The following DMXL2 variants were observed in gnomAD, a reference collection of about 807,000 sequenced individuals.
DMXL2 encodes Dmx like 2, also known as dmX-like protein 2.
A neutral mutation model predicts 331.1 loss-of-function variants in DMXL2; 103 were observed. That is an observed-to-expected ratio of 0.31 (90% CI 0.27 to 0.37). DMXL2 has a LOEUF of 0.37. DMXL2 is among the 10% of genes least tolerant of loss of function. The pLI is 1.00. For synonymous variants in DMXL2, 1,281 were observed against 1,252.1 expected (o/e 1.02, Z -0.49); for missense variants, 3,171 against 3,642.9 (o/e 0.87, Z 3.33).
intron 13 of DMXL2, among the ~76,000 whole-genome samples, chr15:51,530,606 T>A (rs2047945900): frequency 7.0e-6 from 1 of 143,188 alleles, no homozygotes; most frequent in African/African-American, 2.8e-5. Context: ...AAAAAAAAAA[T>A]TAGCCGGGCA....
intron 20 of DMXL2, 25 bp downstream of exon 20, chr15:51,491,551 ACT>A (rs1258011486): frequency 6.4e-7 from 1 of 1,567,414 alleles, no homozygotes; most frequent in Non-Finnish European, 8.6e-7. Context: ...TTTTAATATA[ACT>A]CAAAATCCAC....
chr15:51,604,314 AAG>A (rs1164825303), intron 1 of DMXL2, among the ~76,000 whole-genome samples: 2 of 151,496 alleles, frequency 1.3e-5, no homozygotes, highest in Admixed American at 6.6e-5. Flanking sequence ...AAAAAAAAAA[AAG>A]AACACATACA....
chr15:51,567,686 G>C (rs1482446479), intron 3 of DMXL2: 1 of 152,264 alleles, frequency 6.6e-6, no homozygotes, highest in Non-Finnish European at 1.5e-5. Flanking sequence ...AGTAGAACCA[G>C]AGAGGACAAG....
At chr15:51,571,936 C>G (rs2050694880) in intron 2 of DMXL2, among the ~76,000 whole-genome samples, 1 of 152,070 alleles carries the variant, frequency 6.6e-6, no homozygotes, top group Non-Finnish European at 1.5e-5. Context: ...TAACTAAGAT[C>G]AGAGCAGAAC....
intron 7 of DMXL2, 129 bp downstream of exon 7, chr15:51,547,101 G>T (rs2048930607): frequency 1.3e-6 from 1 of 786,254 alleles, no homozygotes; most frequent in South Asian, 2.4e-5. Context: ...AGTAGGATTT[G>T]ATTTCAGGCA....
At chr15:51,449,255 C>T (rs1187378512) in intron 43 of DMXL2, 62 bp from the exon 44 acceptor site, 4 of 1,531,236 alleles carry the variant, frequency 2.6e-6, no homozygotes, top group South Asian at 2.3e-5. Flanking sequence ...AAAACATGGC[C>T]CTTCTGCTCC....
chr15:51,454,749 C>A (rs969823278), intron 40 of DMXL2, among the ~76,000 whole-genome samples: 2 of 152,094 alleles, frequency 1.3e-5, no homozygotes, highest in African/African-American at 4.8e-5. Context: ...CCCGCCTCGG[C>A]CTCCCAAAGT....
At chr15:51,572,869 C>T (rs1337510084) in intron 2 of DMXL2, among the ~76,000 whole-genome samples, 1 of 152,166 alleles carries the variant, frequency 6.6e-6, no homozygotes, top group African/African-American at 2.4e-5. Flanking sequence ...CCTTTGCAAA[C>T]CAGTACAAGA....
At chr15:51,521,008 A>C (rs2047328816) in intron 13 of DMXL2, among the ~76,000 whole-genome samples, 1 of 152,178 alleles carries the variant, frequency 6.6e-6, no homozygotes, top group Non-Finnish European at 1.5e-5. Context: ...GATTTTTAGC[A>C]AAATTGCTTC....
chr15:51,493,515 T>C (rs745639239), intron 19 of DMXL2, among the ~76,000 whole-genome samples: 2 of 152,158 alleles, frequency 1.3e-5, no homozygotes, highest in African/African-American at 2.4e-5. Context: ...TACCTACCAA[T>C]GGCAGGCTAT....
In DMXL2 at chr15:51,488,024, A is replaced by G. The variant is rs560854929; in HGVS notation, c.5147T>C (p.Leu1716Pro). 1 of 1,613,214 alleles carries G rather than the reference A, an allele frequency of 6.2e-7. No homozygotes were observed. The highest frequency in any genetic ancestry group is 1.3e-5 in the African/African-American group (1 of 75,012). ...KAALKNAFSLLGKQRFEQSAA... is the reference protein window; with the variant it reads ...KAALKNAFSLPGKQRFEQSAA... ...CGATTGTTCAAAGCGTTGTTTTCCA[A>G]GTAAGGAAAAAGCATTTTTCAAAGC... The change falls in exon 22 of 44, where the codon CTT becomes CCT. Residue 1716 changes from leucine to proline, a missense_variant. Coordinates refer to ENST00000560891, the MANE Select transcript of DMXL2 (RefSeq NM_001378457.1).
At chr15:51,618,830 CTTATG>C (rs1381481226) in intron 1 of DMXL2, among the ~76,000 whole-genome samples, 2 of 152,096 alleles carry the variant, frequency 1.3e-5, no homozygotes, top group Admixed American at 6.5e-5. Context: ...TTCCATCTGC[CTTATG>C]TTATAATTAT....
At chr15:51,569,422 T>G (rs955215973) in intron 2 of DMXL2, among the ~76,000 whole-genome samples, 3 of 152,272 alleles carry the variant, frequency 2.0e-5, no homozygotes, top group African/African-American at 4.8e-5. Flanking sequence ...TAAACGTCCC[T>G]GCCTGACAGC....
chr15:51,573,775 T>C (rs1595575788), intron 2 of DMXL2, among the ~76,000 whole-genome samples: 1 of 152,070 alleles, frequency 6.6e-6, no homozygotes, highest in South Asian at 2.1e-4. Context: ...CAAACCACCA[T>C]GGCACGTGTA....
chr15:51,590,729 G>A (rs554657272), intron 1 of DMXL2, among the ~76,000 whole-genome samples: 17 of 152,062 alleles, frequency 1.1e-4, no homozygotes, highest in African/African-American at 2.4e-4. Flanking sequence ...TTCATAATAC[G>A]ATAACTGCTA....
At chr15:51,554,179 GCTCT>G (rs1233831810) in intron 6 of DMXL2, among the ~76,000 whole-genome samples, 1 of 152,192 alleles carries the variant, frequency 6.6e-6, no homozygotes, top group African/African-American at 2.4e-5. Context: ...CTCTCCAGCA[GCTCT>G]CTGACATGCT....
rs1185778928 is a variant in DMXL2, at chr15:51,499,744, A to C, written c.3480T>G (p.Tyr1160Ter). The change falls in exon 18 of 44, where the codon TAT becomes TAG. Residue 1160 changes from tyrosine (Y) to a stop codon, truncating the protein, a stop_gained. Coordinates refer to ENST00000560891, the MANE Select transcript of DMXL2 (RefSeq NM_001378457.1). LOFTEE classifies it high-confidence loss of function. ...KSDALLSKDR[Y>*]LIPNIKHLVH... Reference sequence around the variant, plus strand: ...CTAAATGTTTGATATTCGGAATAAGATATCTATCCTTGCTCAAGAGTGCAT... The same window carrying C: ...CTAAATGTTTGATATTCGGAATAAGCTATCTATCCTTGCTCAAGAGTGCAT... 1 of 1,613,994 alleles carries C rather than the reference A, an allele frequency of 6.2e-7. No individual in the cohort carries two copies. The highest frequency in any genetic ancestry group is 1.3e-5 in the African/African-American group (1 of 74,922).
At chr15:51,542,220 G>C in intron 9 of DMXL2, 113 bp downstream of exon 9, 1 of 1,030,988 alleles carries the variant, frequency 9.7e-7, no homozygotes. Context: ...CTCCAATTAA[G>C]TATTTTAAAG....
intron 1 of DMXL2, among the ~76,000 whole-genome samples, chr15:51,611,307 T>C (rs538211545): frequency 1.3e-5 from 2 of 152,150 alleles, no homozygotes; most frequent in East Asian, 1.9e-4. Context: ...TAAGAAGATA[T>C]TAAGAGGCCG....
Sources: allele counts gnomAD v4.1 joint callset (sites outside exome capture counted in the v4.1 genomes callset), GRCh38; gene constraint gnomAD v4.1.1; transcripts MANE v1.5; gene names NCBI Gene and HGNC (gene_info 2026-07-23, HGNC 2026-07-21).